The following MGAT4C variants were observed in gnomAD, a reference collection of about 807,000 sequenced individuals.
MGAT4C encodes the protein alpha-1,3-mannosyl-glycoprotein 4-beta-N-acetylglucosaminyltransferase C.
Under a neutral mutation model 40.1 loss-of-function variants are expected in MGAT4C, and 19 were observed. The observed-to-expected ratio is 0.47, with a 90% CI of 0.33 to 0.70. The LOEUF is 0.70. MGAT4C is among the 30% of genes least tolerant of loss of function. The pLI is 0.02. For missense variants in MGAT4C, 491 were observed against 563.2 expected (o/e 0.87, Z 1.30); for synonymous variants, 181 against 187.1 (o/e 0.97, Z 0.27).
chr12:86,346,211 AGT>A (rs1491177290), intron 3 of MGAT4C, among the ~76,000 whole-genome samples: 1 of 151,938 alleles, frequency 6.6e-6, no homozygotes, highest in Non-Finnish European at 1.5e-5. Context: ...AATACTAGGT[AGT>A]TTTTTTGTTT....
chr12:86,224,244 G>C (rs951924390), intron 1 of MGAT4C, among the ~76,000 whole-genome samples: 6 of 152,040 alleles, frequency 3.9e-5, no homozygotes, highest in African/African-American at 1.5e-4. Context: ...ATGATAAAGA[G>C]ATCAATCAGT....
At chr12:86,191,974 C>A in intron 1 of MGAT4C, among the ~76,000 whole-genome samples, 1 of 149,842 alleles carries the variant, frequency 6.7e-6, no homozygotes, top group Admixed American at 6.7e-5. Flanking sequence ...AACCATCATT[C>A]TCAGCAAACT....
At chr12:86,737,491 T>C (rs1951005597) in intron 1 of MGAT4C, among the ~76,000 whole-genome samples, 1 of 151,340 alleles carries the variant, frequency 6.6e-6, no homozygotes. Context: ...CAAGATTCAA[T>C]CTTTGAACTG....
intron 2 of MGAT4C, among the ~76,000 whole-genome samples, chr12:86,610,922 T>C (rs1190152650): frequency 6.6e-6 from 1 of 152,102 alleles, no homozygotes; most frequent in East Asian, 1.9e-4. Flanking sequence ...CCTCAGGCTA[T>C]AAGAAAACCT....
intron 2 of MGAT4C, among the ~76,000 whole-genome samples, chr12:86,668,311 A>T (rs1964166533): frequency 6.6e-6 from 1 of 152,198 alleles, no homozygotes; most frequent in African/African-American, 2.4e-5. Context: ...GCTGGCAAAC[A>T]GCCCCTGTGA....
chr12:86,655,048 T>A (rs1157685459), intron 2 of MGAT4C, among the ~76,000 whole-genome samples: 1 of 152,072 alleles, frequency 6.6e-6, no homozygotes, highest in Non-Finnish European at 1.5e-5. Flanking sequence ...CAGTTCTTTT[T>A]TTTTATACTT....
chr12:86,520,033 CTTATGT>C (rs1003639694), intron 2 of MGAT4C, among the ~76,000 whole-genome samples: 4 of 152,042 alleles, frequency 2.6e-5, no homozygotes, highest in African/African-American at 9.6e-5. Context: ...CATTTTTGAT[CTTATGT>C]TTAAGTCTTT....
intron 3 of MGAT4C, among the ~76,000 whole-genome samples, chr12:86,381,175 A>C (rs553673619): frequency 6.6e-6 from 1 of 152,296 alleles, no homozygotes; most frequent in East Asian, 1.9e-4. Context: ...AATGGTGTTC[A>C]TTTGTCACGT....
chr12:86,506,091 C>T (rs1050847468), intron 2 of MGAT4C, among the ~76,000 whole-genome samples: 1 of 152,048 alleles, frequency 6.6e-6, no homozygotes, highest in African/African-American at 2.4e-5. Flanking sequence ...GATCATGTAT[C>T]CAGTGAAAGG....
intron 2 of MGAT4C, among the ~76,000 whole-genome samples, chr12:86,524,953 T>G (rs557029133): frequency 6.6e-6 from 1 of 152,316 alleles, no homozygotes; most frequent in Admixed American, 6.5e-5. Context: ...ATTTTGTCCT[T>G]CAGCTTCTAC....
At chr12:86,429,301 A>C (rs1956988614) in intron 3 of MGAT4C, among the ~76,000 whole-genome samples, 2 of 152,294 alleles carry the variant, frequency 1.3e-5, no homozygotes, top group Middle Eastern at 3.4e-3. Flanking sequence ...ATTTTGTTTC[A>C]AACAATTGTG....
intron 1 of MGAT4C, among the ~76,000 whole-genome samples, chr12:86,763,007 TA>T (rs774738100): frequency 7.9e-5 from 12 of 152,224 alleles, no homozygotes; most frequent in Non-Finnish European, 1.3e-4. Context: ...AAATGTACCT[TA>T]TTGCATTTTC....
chr12:86,797,332 C>A (rs1270427287), intron 1 of MGAT4C, among the ~76,000 whole-genome samples: 1 of 151,712 alleles, frequency 6.6e-6, no homozygotes. Flanking sequence ...TGTTATTCTT[C>A]TATTTTTCTT....
intron 1 of MGAT4C, among the ~76,000 whole-genome samples, chr12:86,791,625 ATTTTTTGACC>A (rs1952023788): frequency 6.6e-6 from 1 of 151,950 alleles, no homozygotes; most frequent in African/African-American, 2.4e-5. Flanking sequence ...TTCTCCCTAC[ATTTTTTGACC>A]TTTTTCTTCT....
At chr12:86,827,278 C>A (rs1409243797) in intron 1 of MGAT4C, among the ~76,000 whole-genome samples, 1 of 151,336 alleles carries the variant, frequency 6.6e-6, no homozygotes, top group African/African-American at 2.4e-5. Flanking sequence ...AATGCAAAAT[C>A]CTTTTGCTCC....
chr12:86,594,778 G>A (rs1054062325), intron 2 of MGAT4C, among the ~76,000 whole-genome samples: 4 of 152,146 alleles, frequency 2.6e-5, no homozygotes, highest in Middle Eastern at 3.2e-3. Context: ...ACATAACTGA[G>A]ACATAGAGAC....
intron 2 of MGAT4C, among the ~76,000 whole-genome samples, chr12:86,444,874 T>G (rs1342750058): frequency 1.3e-5 from 2 of 152,176 alleles, no homozygotes; most frequent in African/African-American, 4.8e-5. Context: ...TTTATTGACA[T>G]ATGTAACAAT....
At chr12:86,237,076 G>A (rs1336090879) in intron 1 of MGAT4C, among the ~76,000 whole-genome samples, 1 of 151,208 alleles carries the variant, frequency 6.6e-6, no homozygotes, top group Admixed American at 6.6e-5. Context: ...GGGGGAGAGA[G>A]AGAGAAGCAA....
intron 1 of MGAT4C, among the ~76,000 whole-genome samples, chr12:86,805,499 A>C (rs2136209242): frequency 6.6e-6 from 1 of 152,044 alleles, no homozygotes; most frequent in African/African-American, 2.4e-5. Flanking sequence ...AATTTGCTTA[A>C]GATAAAGGGT....
Sources: allele counts gnomAD v4.1 joint callset (sites outside exome capture counted in the v4.1 genomes callset), GRCh38; gene constraint gnomAD v4.1.1; transcripts MANE v1.5; gene names NCBI Gene and HGNC (gene_info 2026-07-23, HGNC 2026-07-21).